The following COL22A1 variants were observed in gnomAD, a reference collection of about 807,000 sequenced individuals.
COL22A1 encodes the protein collagen type XXII alpha 1 chain.
COL22A1 carries 221 observed loss-of-function variants against 248.9 expected under a neutral mutation model. The ratio of observed to expected loss-of-function variants is 0.89; its 90% CI spans 0.80 to 0.99. COL22A1 has a LOEUF of 0.99. Among genes scored for constraint, COL22A1 ranks in the 50% least tolerant of loss-of-function variants. The pLI is 0.00. For missense variants in COL22A1, 2,240 were observed against 2,179.0 expected (o/e 1.03, Z -0.56); for synonymous variants, 891 against 793.4 (o/e 1.12, Z -2.07).
At chr8:138,630,555 C>A in intron 50 of COL22A1, 140 bp downstream of exon 50, 1 of 724,264 alleles carries the variant, frequency 1.4e-6, no homozygotes, top group Non-Finnish European at 2.5e-6. Context: ...AGTTTCATTG[C>A]AAGACTTGTA....
At chr8:138,781,035 C>G (rs1814937037) in intron 12 of COL22A1, 55 bp from the exon 13 acceptor site, 1 of 1,313,700 alleles carries the variant, frequency 7.6e-7, no homozygotes, top group African/African-American at 1.5e-5. Flanking sequence ...GACAGGCTCT[C>G]AGAATGCTAG....
chr8:138,811,876 G>A lies in COL22A1; in HGVS notation c.1372C>T (p.Gln458Ter). Reference protein sequence around the residue: ...VTEPPPPPPPQRPPTPGSEQI... With the variant: ...VTEPPPPPPP ...TCACTGCCTGGGGTGGGAGGCCGCT[G>A]GGGTGGGGGTGGAGGTGGAGGCTCT... The change falls in exon 9 of 65, where the codon CAG (glutamine) becomes TAG (stop). Residue 458 changes from glutamine (Q) to a stop codon, truncating the protein, a stop_gained. Coordinates refer to ENST00000303045, the MANE Select transcript of COL22A1 (RefSeq NM_152888.3). LOFTEE classifies it high-confidence loss of function. 1 of 1,579,902 alleles carries A rather than the reference G, an allele frequency of 6.3e-7. No homozygotes were observed. The highest frequency in any genetic ancestry group is 8.6e-7 in the Non-Finnish European group (1 of 1,163,672).
chr8:138,761,585 A>C (rs1469381046), intron 17 of COL22A1, among the ~76,000 whole-genome samples: 1 of 140,290 alleles, frequency 7.1e-6, no homozygotes, highest in Admixed American at 6.9e-5. Context: ...TAATTAACAT[A>C]TATATTTTAT....
chr8:138,900,372 T>C (rs1210940987), intron 1 of COL22A1, among the ~76,000 whole-genome samples: 3 of 152,340 alleles, frequency 2.0e-5, no homozygotes, highest in East Asian at 1.9e-4. Context: ...GTGATTTCAA[T>C]GGAATTGGCT....
chr8:138,910,724 C>T (rs140980481), intron 1 of COL22A1, among the ~76,000 whole-genome samples: 45 of 152,178 alleles, frequency 3.0e-4, no homozygotes, highest in African/African-American at 1.1e-3. Flanking sequence ...TTGGAAGGCC[C>T]GCATCATTCC....
chr8:138,714,504 T>C (rs1222946119), intron 30 of COL22A1, among the ~76,000 whole-genome samples: 3 of 152,156 alleles, frequency 2.0e-5, no homozygotes, highest in Non-Finnish European at 4.4e-5. Flanking sequence ...ACTGCCAGGC[T>C]CCTTCTATGG....
At chr8:138,648,995 T>C (rs1822451196) in intron 46 of COL22A1, among the ~76,000 whole-genome samples, 1 of 152,240 alleles carries the variant, frequency 6.6e-6, no homozygotes, top group Admixed American at 6.5e-5. Context: ...TATATTCTAG[T>C]TTAAATGTAA....
intron 1 of COL22A1, among the ~76,000 whole-genome samples, chr8:138,889,836 A>AT (rs1252461461): frequency 1.3e-5 from 2 of 152,186 alleles, no homozygotes; most frequent in Non-Finnish European, 2.9e-5. Flanking sequence ...AAATTTGATA[A>AT]TTTCCCTCAT....
At chr8:138,702,267 G>T (rs139988306) in intron 31 of COL22A1, among the ~76,000 whole-genome samples, 1 of 152,148 alleles carries the variant, frequency 6.6e-6, no homozygotes, top group Non-Finnish European at 1.5e-5. Flanking sequence ...ACAAAAATTT[G>T]ATATGACTAA....
At chr8:138,726,498 C>CAAAAAAAAAAAAAAAAAAAAAAAAA (rs371982028) in intron 23 of COL22A1, among the ~76,000 whole-genome samples, 3 of 95,608 alleles carry the variant, frequency 3.1e-5, no homozygotes, top group African/African-American at 1.2e-4. Flanking sequence ...CCTGTATCTA[C>CAAAAAAAAAAAAAAAAAAAAAAAAA]AAAAAAAAAA....
rs767824998 is a variant in COL22A1, at chr8:138,716,257, G to A, written c.2433C>T (p.Phe811=). 1.3e-6 allele frequency: 2 copies of A among 1,592,862 alleles called. No homozygotes were observed. Among genetic ancestry groups the A allele is most frequent in the East Asian group, 4.5e-5 (2 of 44,462 alleles). The part of the protein sequence containing the change: ...GEAGLPGAPG[F]PGVRGEKGDQ... ...CTCCTTTCTCTCCTCTCACACCTGGGAAGCCTGGAGCCCCTGGGAGGCCTG... is the reference window on the plus strand; with the variant it reads ...CTCCTTTCTCTCCTCTCACACCTGGAAAGCCTGGAGCCCCTGGGAGGCCTG... Residue 811 remains phenylalanine, a synonymous_variant, in exon 29 of 65, where the codon TTC becomes TTT. Coordinates refer to ENST00000303045, the MANE Select transcript of COL22A1 (RefSeq NM_152888.3).
intron 12 of COL22A1, among the ~76,000 whole-genome samples, chr8:138,788,278 T>C (rs1815718342): frequency 6.6e-6 from 1 of 152,184 alleles, no homozygotes; most frequent in African/African-American, 2.4e-5. Context: ...TTGACAATCA[T>C]TTGCCAGCAT....
chr8:138,658,858 T>G (rs1210517039), intron 44 of COL22A1, among the ~76,000 whole-genome samples: 1 of 151,286 alleles, frequency 6.6e-6, no homozygotes, highest in Non-Finnish European at 1.5e-5. Flanking sequence ...GTTCAGTTAA[T>G]CTAACAGATC....
At chr8:138,798,216 T>C (rs1816714734) in intron 11 of COL22A1, among the ~76,000 whole-genome samples, 1 of 151,690 alleles carries the variant, frequency 6.6e-6, no homozygotes, top group African/African-American at 2.4e-5. Flanking sequence ...CTTGTTATTA[T>C]AAACTTTCTT....
chr8:138,592,371 A>G (rs976201508), intron 63 of COL22A1, among the ~76,000 whole-genome samples: 10 of 152,140 alleles, frequency 6.6e-5, no homozygotes, highest in Admixed American at 1.3e-4. Context: ...TGTAACCCCA[A>G]TTGAAATTCT....
intron 12 of COL22A1, among the ~76,000 whole-genome samples, chr8:138,789,007 C>A (rs1457151164): frequency 1.3e-5 from 2 of 152,214 alleles, no homozygotes; most frequent in African/African-American, 2.4e-5. Context: ...GCACCCTGAG[C>A]TTCCCCTGCC....
At chr8:138,879,503 C>T (rs561291697) in intron 2 of COL22A1, among the ~76,000 whole-genome samples, 1 of 151,946 alleles carries the variant, frequency 6.6e-6, no homozygotes, top group South Asian at 2.1e-4. Context: ...ACCAGTCTGG[C>T]CAATATGGCA....
chr8:138,892,375 G>A (rs1007763406), intron 1 of COL22A1, among the ~76,000 whole-genome samples: 1 of 152,186 alleles, frequency 6.6e-6, no homozygotes, highest in Non-Finnish European at 1.5e-5. Flanking sequence ...CTATCAGGGG[G>A]TATGGTAAGG....
intron 12 of COL22A1, among the ~76,000 whole-genome samples, chr8:138,790,487 G>C (rs546243179): frequency 6.6e-6 from 1 of 152,220 alleles, no homozygotes; most frequent in Non-Finnish European, 1.5e-5. Context: ...CACTCTGGGA[G>C]AGAGGCTCCA....
Sources: allele counts gnomAD v4.1 joint callset (sites outside exome capture counted in the v4.1 genomes callset), GRCh38; gene constraint gnomAD v4.1.1; transcripts MANE v1.5; gene names NCBI Gene and HGNC (gene_info 2026-07-23, HGNC 2026-07-21).